UBE2L3: variants seen among roughly 807,000 people sequenced by gnomAD.
UBE2L3 encodes the protein ubiquitin conjugating enzyme E2 L3, also known as ubiquitin-conjugating enzyme E2 L3.
UBE2L3 carries 1 observed loss-of-function variant against 17.8 expected under a neutral mutation model. That is an observed-to-expected ratio of 0.06 (90% CI 0.02 to 0.27). UBE2L3 has a LOEUF of 0.27. UBE2L3 is among the 10% of genes least tolerant of loss of function. The pLI, the probability that UBE2L3 is intolerant of heterozygous loss-of-function variation, is 1.00. For synonymous variants in UBE2L3, 44 were observed against 68.5 expected (o/e 0.64, Z 1.76); for missense variants, 40 against 192.6 (o/e 0.21, Z 4.69).
chr22:21,562,957 T>G (rs866351763), upstream of UBE2L3, among the ~76,000 whole-genome samples: 2 of 146,524 alleles, frequency 1.4e-5, no homozygotes, highest in Middle Eastern at 3.5e-3. Context: ...TTTCAAAAAA[T>G]TTATTGCCAG....
At chr22:21,571,761 T>G (rs1014128826) in intron 1 of UBE2L3, among the ~76,000 whole-genome samples, 1 of 152,184 alleles carries the variant, frequency 6.6e-6, no homozygotes, top group Non-Finnish European at 1.5e-5. Flanking sequence ...TCCCAGTTCA[T>G]AGTCATAGTA....
chr22:21,574,321 T>G (rs1346153667), intron 1 of UBE2L3, among the ~76,000 whole-genome samples: 2 of 152,218 alleles, frequency 1.3e-5, no homozygotes, highest in Non-Finnish European at 2.9e-5. Context: ...GGCAAGTTAC[T>G]TTACCTCTCT....
intron 3 of UBE2L3, among the ~76,000 whole-genome samples, chr22:21,615,046 A>G (rs1028746825): frequency 4.3e-4 from 65 of 150,850 alleles, no homozygotes; most frequent in African/African-American, 1.5e-3. Context: ...TCCCAGCTAC[A>G]TGGGAGGCTG....
upstream of UBE2L3, among the ~76,000 whole-genome samples, chr22:21,563,511 G>A (rs1241266064): frequency 2.0e-5 from 3 of 146,782 alleles, no homozygotes; most frequent in Admixed American, 6.8e-5. Context: ...GCAGTGAGCC[G>A]AGATCGCGCC....
intron 1 of UBE2L3, among the ~76,000 whole-genome samples, chr22:21,579,903 G>C (rs145743519): frequency 1.1e-4 from 17 of 152,302 alleles, no homozygotes; most frequent in African/African-American, 4.1e-4. Context: ...TAGATTTAAG[G>C]CAGGTTTATG....
chr22:21,563,541 G>A (rs1415470146), upstream of UBE2L3, among the ~76,000 whole-genome samples: 15 of 145,572 alleles, frequency 1.0e-4, no homozygotes, highest in African/African-American at 1.8e-4. Flanking sequence ...CAGCCTGGGC[G>A]AAGAGCGAGA....
At chr22:21,603,126 T>G (rs1928949787) in intron 2 of UBE2L3, among the ~76,000 whole-genome samples, 1 of 152,212 alleles carries the variant, frequency 6.6e-6, no homozygotes, top group Non-Finnish European at 1.5e-5. Flanking sequence ...TGATCAACTC[T>G]TATTTACATG....
At chr22:21,562,192 T>A (rs1367406947) in intron 1 of UBE2L3, among the ~76,000 whole-genome samples, 1 of 148,640 alleles carries the variant, frequency 6.7e-6, no homozygotes, top group Non-Finnish European at 1.5e-5. Flanking sequence ...TACCTCTTTT[T>A]TTTTTCTTTT....
At chr22:21,556,383 A>G (rs1193228771) in intron 1 of UBE2L3, among the ~76,000 whole-genome samples, 1 of 152,216 alleles carries the variant, frequency 6.6e-6, no homozygotes, top group African/African-American at 2.4e-5. Flanking sequence ...CTACAAAGAG[A>G]CTCCATCTCT....
At chr22:21,564,911 G>A (rs1437954060), upstream of UBE2L3, among the ~76,000 whole-genome samples, 1 of 152,052 alleles carries the variant, frequency 6.6e-6, no homozygotes, top group African/African-American at 2.4e-5. Context: ...GATCTGATGG[G>A]GTCCCTCATG....
rs376595125 is a variant in UBE2L3, at chr22:21,621,944, C to A, written c.*275C>A. 9 of 346,724 alleles carry A rather than the reference C, an allele frequency of 2.6e-5. No individual in the cohort carries two copies. Among genetic ancestry groups the A allele is most frequent in the Middle Eastern group, 7.7e-4 (1 of 1,292 alleles). 21.5% of individuals were successfully genotyped at this position (346,724 alleles called of 1,614,324 possible). On this transcript the variant is annotated 3_prime_UTR_variant, in exon 4 of 4. Coordinates refer to ENST00000342192, the MANE Select transcript of UBE2L3 (RefSeq NM_003347.4). Reference sequence around the variant, plus strand: ...AAAGAATGGTGTTTCTTTTCTTGTCCAATTTTATCCAAAATCTTCAAGTTA... The same window carrying A: ...AAAGAATGGTGTTTCTTTTCTTGTCAAATTTTATCCAAAATCTTCAAGTTA...
At chr22:21,617,454 A>T (rs1929835396) in intron 3 of UBE2L3, among the ~76,000 whole-genome samples, 1 of 152,114 alleles carries the variant, frequency 6.6e-6, no homozygotes, top group South Asian at 2.1e-4. Flanking sequence ...TTTAGTAGAG[A>T]CAAGGTTTCA....
intron 1 of UBE2L3, among the ~76,000 whole-genome samples, chr22:21,581,840 A>G (rs1405982648): frequency 3.3e-5 from 5 of 150,654 alleles, no homozygotes; most frequent in African/African-American, 9.8e-5. Flanking sequence ...AGCTGTGCCC[A>G]GTAGCTCATG....
At chr22:21,607,974 C>G (rs1486415458) in intron 2 of UBE2L3, among the ~76,000 whole-genome samples, 1 of 152,202 alleles carries the variant, frequency 6.6e-6, no homozygotes, top group Non-Finnish European at 1.5e-5. Flanking sequence ...ACCTCTGGTA[C>G]AACTCTACTT....
chr22:21,604,428 G>A (rs943400418), intron 2 of UBE2L3, among the ~76,000 whole-genome samples: 8 of 152,154 alleles, frequency 5.3e-5, no homozygotes, highest in African/African-American at 1.7e-4. Flanking sequence ...TTGAACCCGG[G>A]AGGCGGAGGT....
chr22:21,568,229 G>A (rs973434542), intron 1 of UBE2L3: 146 of 988,776 alleles, frequency 1.5e-4, no homozygotes, highest in Non-Finnish European at 1.6e-4. Context: ...CGCTTGGCCC[G>A]GCCGCAGCTC....
chr22:21,561,922 T>C lies in UBE2L3; in HGVS notation c.201+12272T>C, dbSNP rs547100690. On this transcript the variant is annotated intron_variant, in intron 1 of 3. Transcript: ENST00000458578. ...GGCCACAGTTTTCTCTCCTATCAAA[T>C]AGAACATGTTAGTACTGCTCTATGG... 2.7e-4 allele frequency among the ~76,000 whole-genome samples: 41 copies of C among 152,304 alleles called. No individual in the cohort carries two copies. In the South Asian group the frequency reaches 7.7e-3, roughly 28 times the overall value.
chr22:21,581,230 A>C (rs1479824008), intron 1 of UBE2L3, among the ~76,000 whole-genome samples: 1 of 151,828 alleles, frequency 6.6e-6, no homozygotes, highest in African/African-American at 2.4e-5. Context: ...TAATTTTTGC[A>C]TTTTTTGGTA....
At chr22:21,556,439 TA>T (rs1926228104) in intron 1 of UBE2L3, among the ~76,000 whole-genome samples, 2 of 152,370 alleles carry the variant, frequency 1.3e-5, no homozygotes, top group African/African-American at 4.8e-5. Context: ...TTTTATCATT[TA>T]TTTTTTGGAG....
Sources: gnomAD v4.1 joint callset for allele counts (sites outside exome capture counted in the v4.1 genomes callset) on GRCh38, gnomAD v4.1.1 for gene constraint, MANE v1.5 for transcripts, NCBI Gene and HGNC (gene_info 2026-07-23, HGNC 2026-07-21) for gene names.